The following DNER variants were observed in gnomAD, a reference collection of about 807,000 sequenced individuals.
DNER encodes delta/notch like EGF repeat containing.
A neutral mutation model predicts 78.2 loss-of-function variants in DNER; 33 were observed. The ratio of observed to expected loss-of-function variants is 0.42; its 90% CI spans 0.32 to 0.56. DNER has a LOEUF of 0.56. Ranked by LOEUF, DNER falls within the 20% of genes least tolerant of loss-of-function variation. The pLI is 0.11. For synonymous variants in DNER, 417 were observed against 384.8 expected (o/e 1.08, Z -0.98); for missense variants, 918 against 975.3 (o/e 0.94, Z 0.78).
chr2:229,618,105 G>C (rs919064973), intron 1 of DNER, among the ~76,000 whole-genome samples: 1 of 152,190 alleles, frequency 6.6e-6, no homozygotes, highest in African/African-American at 2.4e-5. Flanking sequence ...GGCCTTCAGA[G>C]CCTGCCAGCC....
chr2:229,529,977 G>T (rs890788574), intron 5 of DNER, among the ~76,000 whole-genome samples: 1 of 152,006 alleles, frequency 6.6e-6, no homozygotes, highest in Non-Finnish European at 1.5e-5. Flanking sequence ...ATGCCAGCAT[G>T]GGTGACAGAG....
rs372369816 is a variant in DNER, at chr2:229,546,798, T to C, written c.993+149A>G. The C allele has an allele frequency of 1.5e-3, 1,824 of 1,185,792 alleles. 21 individuals are homozygous for C. In the African/African-American group the frequency reaches 0.026, roughly 17 times the overall value. The allele number at this position is 1,185,792 out of a possible 1,614,324, so 73.5% of individuals were successfully genotyped here. A position where few individuals can be genotyped will look rare whatever the true frequency, so the allele number is the denominator to read the frequency against. On this transcript the variant is annotated intron_variant, in intron 5 of 12. Coordinates refer to ENST00000341772, the MANE Select transcript of DNER (RefSeq NM_139072.4). ...ACAGACAGATAGACAGATAGATAGA[T>C]AGATAGACAGACAGACAGACAGACA...
At chr2:229,604,851 T>C (rs1401846314) in intron 1 of DNER, among the ~76,000 whole-genome samples, 1 of 152,098 alleles carries the variant, frequency 6.6e-6, no homozygotes. Flanking sequence ...TATAGACAGC[T>C]ACACTAGGAA....
chr2:229,447,817 CAT>C (rs145195623), intron 7 of DNER, among the ~76,000 whole-genome samples: 2,207 of 152,120 alleles, frequency 0.015, 109 homozygotes, highest in East Asian at 0.11. Context: ...TATGTGCACA[CAT>C]GTGTATATGA....
chr2:229,503,054 A>G (rs1018552658), intron 6 of DNER, among the ~76,000 whole-genome samples: 1 of 152,130 alleles, frequency 6.6e-6, no homozygotes, highest in Non-Finnish European at 1.5e-5. Flanking sequence ...TTTTTTCTCC[A>G]CTACCTGATA....
chr2:229,668,534 GTGTATATA>G (rs1381633999), intron 1 of DNER, among the ~76,000 whole-genome samples: 3 of 4,964 alleles, frequency 6.0e-4, no homozygotes, highest in Non-Finnish European at 1.9e-3. Context: ...GTGTGTGTGT[GTGTATATA>G]TATATATATA....
intron 1 of DNER, among the ~76,000 whole-genome samples, chr2:229,686,101 G>A (rs1699478364): frequency 6.6e-6 from 1 of 152,110 alleles, no homozygotes; most frequent in Admixed American, 6.5e-5. Context: ...GGAGAGATTG[G>A]AGAGGGAGCT....
intron 1 of DNER, among the ~76,000 whole-genome samples, chr2:229,593,547 C>G (rs933602114): frequency 1.3e-5 from 2 of 152,148 alleles, no homozygotes; most frequent in African/African-American, 4.8e-5. Flanking sequence ...GTTCACTGCT[C>G]TATTCCCAGC....
intron 4 of DNER, among the ~76,000 whole-genome samples, chr2:229,548,597 G>A (rs888970933): frequency 2.6e-5 from 4 of 152,124 alleles, no homozygotes; most frequent in African/African-American, 9.7e-5. Flanking sequence ...TGTCAGGGGC[G>A]GGGGTGAGTA....
At chr2:229,399,664 T>A (rs1417364631) in intron 10 of DNER, among the ~76,000 whole-genome samples, 1 of 151,986 alleles carries the variant, frequency 6.6e-6, no homozygotes, top group Non-Finnish European at 1.5e-5. Flanking sequence ...TATGACATAA[T>A]AAAGGTAGAG....
chr2:229,707,649 G>T (rs1699850803), intron 1 of DNER, among the ~76,000 whole-genome samples: 1 of 152,204 alleles, frequency 6.6e-6, no homozygotes, highest in Admixed American at 6.5e-5. Context: ...ATGCAACTGG[G>T]GGAGAAGAGA....
intron 4 of DNER, among the ~76,000 whole-genome samples, chr2:229,558,569 T>C (rs1696896962): frequency 6.6e-6 from 1 of 152,296 alleles, no homozygotes; most frequent in South Asian, 2.1e-4. Flanking sequence ...GCTTAAATCA[T>C]AACTGTATAT....
At chr2:229,479,626 T>G (rs1366147691) in intron 6 of DNER, among the ~76,000 whole-genome samples, 1 of 147,958 alleles carries the variant, frequency 6.8e-6, no homozygotes, top group Admixed American at 6.8e-5. Flanking sequence ...GGCACGAGAG[T>G]CATTTGAACC....
intron 1 of DNER, among the ~76,000 whole-genome samples, chr2:229,710,698 T>A (rs1699898079): frequency 6.6e-6 from 1 of 152,148 alleles, no homozygotes; most frequent in South Asian, 2.1e-4. Context: ...TTCAGGGCAG[T>A]ATCAAAATGT....
chr2:229,545,126 T>C (rs1349631686), intron 5 of DNER, among the ~76,000 whole-genome samples: 1 of 152,082 alleles, frequency 6.6e-6, no homozygotes, highest in Non-Finnish European at 1.5e-5. Flanking sequence ...TGTGTATAAC[T>C]AGAGACAAAA....
At chr2:229,536,103 G>C (rs540342260) in intron 5 of DNER, among the ~76,000 whole-genome samples, 1 of 152,178 alleles carries the variant, frequency 6.6e-6, no homozygotes, top group South Asian at 2.1e-4. Flanking sequence ...CGAACACCAT[G>C]GTGGGGAAAT....
chr2:229,506,378 C>T (rs961421184), intron 6 of DNER, among the ~76,000 whole-genome samples: 3 of 152,144 alleles, frequency 2.0e-5, no homozygotes, highest in Non-Finnish European at 2.9e-5. Context: ...ATCTCCACCT[C>T]ATCCCACCCT....
At chr2:229,573,170 T>C (rs1697244859) in intron 4 of DNER, among the ~76,000 whole-genome samples, 1 of 152,200 alleles carries the variant, frequency 6.6e-6, no homozygotes, top group South Asian at 2.1e-4. Context: ...AGATTATCCA[T>C]TTGTCTACCA....
chr2:229,591,706 A>G lies in DNER; in HGVS notation c.459T>C (p.Leu153=), dbSNP rs776373835. The change falls in exon 2 of 13, where the codon CTT becomes CTC. Residue 153 remains leucine (L), a synonymous_variant. Transcript: ENST00000341772. The surrounding 1 kb of genome is among the most constrained non-coding windows in gnomAD (Gnocchi z 4.6). The stretch of plus-strand genomic sequence containing the variant: ...GCTCCTGAGTAGCAGGAACAGGCTG[A>G]AGCTGTCGGGGTGCCATGGATTCGG... ...GWTESMAPRQ[L]QPVPATQEPD... 1 of 1,614,206 alleles carries G rather than the reference A, an allele frequency of 6.2e-7. No individual in the cohort carries two copies. The highest frequency in any genetic ancestry group is 8.5e-7 in the Non-Finnish European group (1 of 1,180,036).
Sources: gnomAD v4.1 joint callset for allele counts (sites outside exome capture counted in the v4.1 genomes callset) on GRCh38, gnomAD v4.1.1 for gene constraint, Gnocchi (gnomAD v3.1) non-coding constraint, MANE v1.5 for transcripts, NCBI Gene and HGNC (gene_info 2026-07-23, HGNC 2026-07-21) for gene names.